The following POLR3E variants were observed in gnomAD, a reference collection of about 807,000 sequenced individuals.
POLR3E encodes RNA polymerase III subunit E.
A neutral mutation model predicts 96.6 loss-of-function variants in POLR3E; 41 were observed. The observed-to-expected ratio is 0.42, with a 90% CI of 0.33 to 0.55. POLR3E has a LOEUF of 0.55. POLR3E is among the 20% of genes least tolerant of loss of function. POLR3E has a pLI of 0.06. For missense variants in POLR3E, 849 were observed against 952.1 expected (o/e 0.89, Z 1.43); for synonymous variants, 396 against 383.6 (o/e 1.03, Z -0.38).
chr16:22,317,446 C>T (rs2048380320), intron 12 of POLR3E, among the ~76,000 whole-genome samples: 7 of 152,236 alleles, frequency 4.6e-5, no homozygotes, highest in Admixed American at 2.6e-4. Context: ...CCCCCACAGG[C>T]GGGCTCGGGT....
rs554465034 is a variant in POLR3E, at chr16:22,320,864, G to A, written c.986+1918G>A. ...CGTTGATATGATTTTGTTGTGTTCCGACTTCATTGTTTCTGTTGGCAGTTT... is the reference window on the plus strand; with the variant it reads ...CGTTGATATGATTTTGTTGTGTTCCAACTTCATTGTTTCTGTTGGCAGTTT... On this transcript the variant is annotated intron_variant, in intron 13 of 20. Transcript: ENST00000299853. 4.6e-5 allele frequency among the ~76,000 whole-genome samples: 7 copies of A among 152,144 alleles called. No homozygotes were observed. The South Asian group carries it at 6.2e-4, about 14-fold the overall frequency.
At chr16:22,328,719 A>C in intron 19 of POLR3E, 132 bp downstream of exon 19, 4 of 731,804 alleles carry the variant, frequency 5.5e-6, no homozygotes. Flanking sequence ...GGTTTTAAAT[A>C]TCCTGCTCCA....
chr16:22,309,225 A>C (rs1239928139), intron 5 of POLR3E, 185 bp downstream of exon 5: 2 of 669,280 alleles, frequency 3.0e-6, no homozygotes, highest in African/African-American at 3.6e-5. Context: ...GCTCCTACCC[A>C]CTCCTCGTCT....
intron 8 of POLR3E, chr16:22,314,845 A>G (rs957143982): frequency 3.5e-5 from 13 of 368,658 alleles, no homozygotes; most frequent in Non-Finnish European, 5.0e-5. Flanking sequence ...GGCGCCTGGG[A>G]CTCTAATCCC....
At chr16:22,328,649 G>A (rs963879095) in intron 19 of POLR3E, 62 bp downstream of exon 19, 1 of 1,377,696 alleles carries the variant, frequency 7.3e-7, no homozygotes. Flanking sequence ...AGCGTTGGAG[G>A]CCTTGGGGGA....
chr16:22,299,551 T>G (rs2047977955), intron 1 of POLR3E, among the ~76,000 whole-genome samples: 1 of 151,748 alleles, frequency 6.6e-6, no homozygotes, highest in Non-Finnish European at 1.5e-5. Flanking sequence ...GTAGCTGGGA[T>G]TACAGGCGTG....
intron 18 of POLR3E, 107 bp downstream of exon 18, chr16:22,326,385 C>T (rs927530264): frequency 8.5e-6 from 8 of 945,476 alleles, no homozygotes; most frequent in Admixed American, 2.0e-5. Flanking sequence ...TGAGCATCTG[C>T]TCTCACGTGG....
At position 22,316,978 on chromosome 16, in the gene POLR3E, C is replaced by G. The variant is rs1201195370; in HGVS notation, c.729-17C>G. ...CTGGATCAGCCCTGAGCCTCTGCCC[C>G]TGCCATGTCCCTGCAGTGAGTACCT... On this transcript the variant is annotated splice_polypyrimidine_tract_variant and intron_variant, in intron 10 of 20. Coordinates refer to ENST00000299853, the MANE Select transcript of POLR3E (RefSeq NM_018119.4). 6.2e-7 allele frequency: 1 copy of G among 1,613,876 alleles called. No individual in the cohort carries two copies. Among genetic ancestry groups the G allele is most frequent in the Non-Finnish European group, 8.5e-7 (1 of 1,179,730 alleles).
intron 20 of POLR3E, among the ~76,000 whole-genome samples, chr16:22,333,433 C>T (rs1181807714): frequency 2.1e-5 from 3 of 145,158 alleles, no homozygotes; most frequent in Non-Finnish European, 4.5e-5. Context: ...GCCTGGGTAA[C>T]AAGAGCAAAA....
intron 20 of POLR3E, 147 bp downstream of exon 20, chr16:22,332,332 A>ATGAT (rs1201069597): frequency 2.6e-5 from 18 of 695,076 alleles, no homozygotes; most frequent in Admixed American, 1.1e-4. Context: ...GCAACTGTTA[A>ATGAT]TGATTGATTG....
At chr16:22,312,357 C>T (rs566109051) in intron 6 of POLR3E, among the ~76,000 whole-genome samples, 11 of 151,910 alleles carry the variant, frequency 7.2e-5, no homozygotes, top group East Asian at 3.9e-4. Flanking sequence ...ATTAGCCAGG[C>T]GTGGTGGTGA....
Position 22,309,481 on chromosome 16 carries a change from C to G in POLR3E, c.335C>G (p.Ser112Cys). Residue 112 changes from serine (S) to cysteine (C), a missense_variant, in exon 6 of 21, where the codon TCC becomes TGC. Ser to Cys is a moderately radical substitution (Grantham distance 112). Coordinates refer to ENST00000299853, the MANE Select transcript of POLR3E (RefSeq NM_018119.4). ...TCTTCCCAGACCACCAGTAACACAT[C>G]CCGTTATGCCGCTGCACTCTACAGG... is the stretch of plus-strand genomic sequence containing the variant. Reference protein sequence around the residue: ...FCSSQTTSNTSRYAAALYRQG... With the variant: ...FCSSQTTSNTCRYAAALYRQG... 6.2e-7 allele frequency: 1 copy of G among 1,613,826 alleles called. No homozygotes were observed. The highest frequency in any genetic ancestry group is 8.5e-7 in the Non-Finnish European group (1 of 1,179,836).
rs777943370 is a variant in POLR3E at position 22,326,060 on chromosome 16, C to T, written c.1648C>T (p.Pro550Ser). The change falls in exon 18 of 21, where the codon CCC (proline) becomes TCC (serine). Residue 550 changes from proline to serine, a missense_variant. Pro to Ser is a moderately conservative substitution (Grantham distance 74, BLOSUM62 -1). Transcript: ENST00000299853. ...AGTDSFNGHPPQGCASTPVAR... is the reference protein window; with the variant it reads ...AGTDSFNGHPSQGCASTPVAR... ...CACAGACAGCTTCAACGGGCACCCG[C>T]CCCAGGGCTGCGCCAGCACCCCTGT... is the stretch of plus-strand genomic sequence containing the variant. 4.3e-6 allele frequency: 7 copies of T among 1,610,922 alleles called. No homozygotes were observed. The South Asian group carries it at 7.7e-5, about 18-fold the overall frequency.
At chr16:22,323,188 AAT>A (rs1264594833) in intron 14 of POLR3E, among the ~76,000 whole-genome samples, 1 of 152,134 alleles carries the variant, frequency 6.6e-6, no homozygotes, top group African/African-American at 2.4e-5. Context: ...GTGGTTTAGA[AAT>A]ATTGCCTTGG....
At chr16:22,326,351 G>A (rs1328548971) in intron 18 of POLR3E, 73 bp downstream of exon 18, 1 of 1,235,820 alleles carries the variant, frequency 8.1e-7, no homozygotes, top group African/African-American at 1.5e-5. Context: ...GAGGCCACGT[G>A]GGGACACGGG....
intron 6 of POLR3E, chr16:22,309,977 A>C (rs2048212280): frequency 1.8e-5 from 3 of 168,670 alleles, no homozygotes; most frequent in Admixed American, 5.7e-5. Context: ...GGATTCATGG[A>C]GAAACAGAAT....
At chr16:22,309,277 C>T in intron 5 of POLR3E, 151 bp from the exon 6 acceptor site, 1 of 730,122 alleles carries the variant, frequency 1.4e-6, no homozygotes, top group Non-Finnish European at 2.5e-6. Context: ...CATCCCCAGG[C>T]TGCCCTCCTG....
chr16:22,314,979 G>T, intron 8 of POLR3E, 110 bp from the exon 9 acceptor site: 1 of 1,095,474 alleles, frequency 9.1e-7, no homozygotes, highest in East Asian at 2.5e-5. Flanking sequence ...AAGGAAGGGA[G>T]AGTGGAAAAC....
Position 22,309,005 on chromosome 16 carries a change from C to T in POLR3E, c.246C>T (p.Asp82=), listed in dbSNP as rs764860863. The T allele has an allele frequency of 2.0e-5, 33 of 1,613,862 alleles. No individual in the cohort carries two copies. The highest frequency in any genetic ancestry group is 5.5e-5 in the South Asian group (5 of 91,074). ...SKGEQIALNV[D]GACADETSTY... ...GGGAGCAGATTGCGCTGAACGTGGA[C>T]GGGGCCTGCGCCGACGAGACCAGCA... The change falls in exon 5 of 21, where the codon GAC becomes GAT. Residue 82 remains aspartate (D), a synonymous_variant. Transcript: ENST00000299853.
Sources: gnomAD v4.1 joint callset for allele counts (sites outside exome capture counted in the v4.1 genomes callset) on GRCh38, gnomAD v4.1.1 for gene constraint, MANE v1.5 for transcripts, NCBI Gene and HGNC (gene_info 2026-07-23, HGNC 2026-07-21) for gene names.